Variants in KSR2 observed in about 807,000 individuals in gnomAD.
KSR2 encodes kinase suppressor of ras 2.
A neutral mutation model predicts 107.8 loss-of-function variants in KSR2; 25 were observed. That is an observed-to-expected ratio of 0.23 (90% confidence interval 0.17 to 0.32). The LOEUF (loss-of-function observed/expected upper bound fraction) is 0.32. Among genes scored for constraint, KSR2 ranks in the 10% least tolerant of loss-of-function variants. The pLI, the probability that KSR2 is intolerant of heterozygous loss-of-function variation, is 1.00. For missense variants in KSR2, 887 were observed against 1,268.9 expected (o/e 0.70, Z 4.57); for synonymous variants, 480 against 507.0 (o/e 0.95, Z 0.71).
intron 4 of KSR2, among the ~76,000 whole-genome samples, chr12:117,726,564 A>T (rs1006408626): frequency 1.3e-5 from 2 of 152,224 alleles, no homozygotes; most frequent in Non-Finnish European, 2.9e-5. Context: ...TGCTAGAAGC[A>T]CTGTCCCCTT....
At chr12:117,476,940 C>A (rs922937834) in intron 16 of KSR2, among the ~76,000 whole-genome samples, 2 of 151,938 alleles carry the variant, frequency 1.3e-5, no homozygotes, top group Non-Finnish European at 2.9e-5. Context: ...AATCATTGCT[C>A]CTGGGGAAAT....
At chr12:117,477,066 T>C (rs1184847198) in intron 16 of KSR2, among the ~76,000 whole-genome samples, 1 of 152,172 alleles carries the variant, frequency 6.6e-6, no homozygotes, top group Non-Finnish European at 1.5e-5. Context: ...AAGTGTTAAG[T>C]GACTTGTCTG....
At chr12:117,588,457 G>C (rs565820769) in intron 5 of KSR2, among the ~76,000 whole-genome samples, 1 of 152,256 alleles carries the variant, frequency 6.6e-6, no homozygotes, top group Non-Finnish European at 1.5e-5. Context: ...TTGGGCCTGG[G>C]TCTCATCTGT....
At chr12:117,498,299 T>C (rs1233551333) in intron 14 of KSR2, among the ~76,000 whole-genome samples, 1 of 152,122 alleles carries the variant, frequency 6.6e-6, no homozygotes, top group Non-Finnish European at 1.5e-5. Flanking sequence ...TCTAGGCCTT[T>C]CCTTCCACCC....
In KSR2 at chr12:117,555,242, G is replaced by A; in HGVS notation, c.1445C>T (p.Pro482Leu). The A allele has an allele frequency of 6.2e-7, 1 of 1,613,826 alleles. No individual in the cohort carries two copies. The highest frequency in any genetic ancestry group is 1.1e-5 in the South Asian group (1 of 91,064). The change falls in exon 9 of 20, where the codon CCT (proline) becomes CTT (leucine). Residue 482 changes from proline to leucine, a missense_variant. Pro to Leu is a moderately conservative substitution (Grantham distance 98). This residue lies in a region of KSR2 where 60 missense variants were observed against 77.5 expected (regional missense o/e 0.77). Transcript: ENST00000339824. Reference protein sequence around the residue: ...TESVPCDINNPLRKPPRYSDL... With the variant: ...TESVPCDINNLLRKPPRYSDL... Reference sequence around the variant, plus strand: ...TGAATAGCGAGGTGGCTTCCGTAGAGGGTTGTTGATGTCACACGGAACGGA... The same window carrying A: ...TGAATAGCGAGGTGGCTTCCGTAGAAGGTTGTTGATGTCACACGGAACGGA...
At chr12:117,687,810 C>T (rs767084988) in intron 4 of KSR2, among the ~76,000 whole-genome samples, 26 of 151,982 alleles carry the variant, frequency 1.7e-4, no homozygotes, top group Non-Finnish European at 2.9e-4. Flanking sequence ...GCATGACACA[C>T]GATGGAAAAA....
intron 10 of KSR2, chr12:117,539,417 C>CGGA (rs1183582298): frequency 2.9e-6 from 1 of 342,904 alleles, no homozygotes; most frequent in African/African-American, 2.1e-5. Context: ...GGTTGTAGCT[C>CGGA]GCCAAAAGAC....
rs527366669 is a variant in KSR2 at position 117,630,151 on chromosome 12, C to T, written c.1171+37323G>A. ...AACAGGTGTTGCACATGCCTAATGT[C>T]CTCCCACTAGCGACGTCTCTCAGCA... is the stretch of plus-strand genomic sequence containing the variant. On this transcript the variant is annotated intron_variant, in intron 5 of 19. Transcript: ENST00000339824. Among the ~76,000 whole-genome samples the T allele has an allele frequency of 2.6e-5, 4 of 152,310 alleles. No individual in the cohort carries two copies. The East Asian group carries it at 7.7e-4, about 29-fold the overall frequency.
intron 18 of KSR2, 143 bp from the exon 19 acceptor site, chr12:117,469,938 CA>C: frequency 4.0e-6 from 3 of 750,674 alleles, no homozygotes; most frequent in South Asian, 3.4e-5. Flanking sequence ...TCCATCCATC[CA>C]TCCACCCATC....
intron 1 of KSR2, among the ~76,000 whole-genome samples, chr12:117,959,812 T>G (rs1399889710): frequency 1.3e-5 from 2 of 151,628 alleles, no homozygotes; most frequent in Non-Finnish European, 2.9e-5. Context: ...ACATCTGCAG[T>G]CCCCGCTACT....
intron 1 of KSR2, among the ~76,000 whole-genome samples, chr12:117,945,866 T>C (rs1429916287): frequency 6.6e-6 from 1 of 152,070 alleles, no homozygotes; most frequent in African/African-American, 2.4e-5. Context: ...GAGATATACT[T>C]CTGGTAATTG....
intron 5 of KSR2, among the ~76,000 whole-genome samples, chr12:117,629,662 GAAAT>G: frequency 6.6e-6 from 1 of 152,272 alleles, no homozygotes; most frequent in Middle Eastern, 3.4e-3. Context: ...CCTGACATCA[GAAAT>G]AAATTACTCC....
intron 17 of KSR2, among the ~76,000 whole-genome samples, chr12:117,474,836 T>C (rs1001796213): frequency 1.3e-5 from 2 of 152,194 alleles, no homozygotes; most frequent in African/African-American, 2.4e-5. Flanking sequence ...ATCTCCACGA[T>C]AGCTCAAACT....
chr12:117,520,540 T>C (rs1333249379), intron 14 of KSR2, among the ~76,000 whole-genome samples: 1 of 152,140 alleles, frequency 6.6e-6, no homozygotes, highest in African/African-American at 2.4e-5. Flanking sequence ...CAAAATGGGG[T>C]GAAAGCAAGG....
chr12:117,947,147 G>A (rs939158351), intron 1 of KSR2, among the ~76,000 whole-genome samples: 3 of 147,536 alleles, frequency 2.0e-5, no homozygotes, highest in African/African-American at 7.6e-5. Context: ...CAGCCTGGGT[G>A]ACAGAGCTAC....
chr12:117,793,475 G>T (rs1845591902), intron 3 of KSR2, among the ~76,000 whole-genome samples: 1 of 130,170 alleles, frequency 7.7e-6, no homozygotes, highest in Admixed American at 7.9e-5. Flanking sequence ...ACACCAACAT[G>T]CACACTCACA....
chr12:117,594,043 T>C (rs1003673731), intron 5 of KSR2, among the ~76,000 whole-genome samples: 19 of 152,308 alleles, frequency 1.2e-4, no homozygotes, highest in Admixed American at 1.2e-3. Context: ...TACTTACATA[T>C]TTATCGCCTT....
At chr12:117,662,625 T>C (rs1884484156) in intron 5 of KSR2, among the ~76,000 whole-genome samples, 1 of 152,166 alleles carries the variant, frequency 6.6e-6, no homozygotes, top group Non-Finnish European at 1.5e-5. Context: ...CAATATTCCA[T>C]AAGACCCAGG....
chr12:117,614,458 T>A (rs1008016530), intron 5 of KSR2, among the ~76,000 whole-genome samples: 1 of 152,232 alleles, frequency 6.6e-6, no homozygotes, highest in African/African-American at 2.4e-5. Context: ...TTGTTTGGGC[T>A]AAATGGAAAG....
Sources: gnomAD v4.1 joint callset for allele counts (sites outside exome capture counted in the v4.1 genomes callset) on GRCh38, gnomAD v4.1.1 for gene constraint, gnomAD v4.1.1 regional missense constraint, MANE v1.5 for transcripts, NCBI Gene and HGNC (gene_info 2026-07-23, HGNC 2026-07-21) for gene names.